Variants in STXBP4 observed in about 807,000 individuals in gnomAD.
STXBP4 encodes the protein syntaxin-binding protein 4.
In STXBP4, 55 loss-of-function variants were observed where a neutral mutation model predicts 76.1. The observed-to-expected ratio is 0.72, with a 90% confidence interval of 0.58 to 0.91. STXBP4 has a LOEUF of 0.91. Among genes scored for constraint, STXBP4 ranks in the 40% least tolerant of loss-of-function variants. The pLI, the probability that STXBP4 is intolerant of heterozygous loss-of-function variation, is 0.00. For missense variants in STXBP4, 618 were observed against 636.9 expected (o/e 0.97, Z 0.32); for synonymous variants, 201 against 220.2 (o/e 0.91, Z 0.77).
At chr17:55,037,907 A>G (rs938933856) in intron 10 of STXBP4, among the ~76,000 whole-genome samples, 3 of 152,202 alleles carry the variant, frequency 2.0e-5, no homozygotes, top group Non-Finnish European at 4.4e-5. Flanking sequence ...AAGCAAATAA[A>G]AAATAACTGA....
At chr17:55,131,818 G>A (rs1056893413) in intron 16 of STXBP4, among the ~76,000 whole-genome samples, 1 of 152,114 alleles carries the variant, frequency 6.6e-6, no homozygotes, top group African/African-American at 2.4e-5. Context: ...CTGGAGTGCT[G>A]TGGTGCCATC....
chr17:54,996,816 C>A (rs967419803), intron 4 of STXBP4, among the ~76,000 whole-genome samples: 1 of 152,144 alleles, frequency 6.6e-6, no homozygotes, highest in African/African-American at 2.4e-5. Flanking sequence ...CAGAATTAGG[C>A]TGTATAGATG....
intron 1 of STXBP4, among the ~76,000 whole-genome samples, chr17:54,983,997 G>A (rs1425229438): frequency 6.6e-6 from 1 of 152,140 alleles, no homozygotes; most frequent in Non-Finnish European, 1.5e-5. Flanking sequence ...TTTTGCTACT[G>A]ACATTGTGGC....
intron 16 of STXBP4, among the ~76,000 whole-genome samples, chr17:55,093,530 A>G (rs1329976192): frequency 2.6e-5 from 4 of 152,072 alleles, no homozygotes; most frequent in Non-Finnish European, 5.9e-5. Context: ...AATAACCACA[A>G]CAAATATTTG....
chr17:55,055,718 T>C (rs2078915811), intron 12 of STXBP4, among the ~76,000 whole-genome samples: 1 of 152,182 alleles, frequency 6.6e-6, no homozygotes, highest in African/African-American at 2.4e-5. Context: ...GTACCTCAGC[T>C]CTTTCCACAC....
At chr17:55,206,227 A>G in the STXBP4 span, among the ~76,000 whole-genome samples, 1 of 152,084 alleles carries the variant, frequency 6.6e-6, no homozygotes, top group South Asian at 2.1e-4. Context: ...TGTGTGTGCA[A>G]GGGGCTTGTT....
At chr17:55,199,627 T>C in the STXBP4 span, among the ~76,000 whole-genome samples, 4 of 152,204 alleles carry the variant, frequency 2.6e-5, no homozygotes, top group African/African-American at 9.6e-5. Context: ...CCCTGAGTGG[T>C]AATAATCAGA....
intron 16 of STXBP4, among the ~76,000 whole-genome samples, chr17:55,129,179 C>T (rs2079947523): frequency 1.3e-5 from 2 of 151,522 alleles, no homozygotes; most frequent in Admixed American, 6.6e-5. Context: ...CCGCCCGCCT[C>T]GGCCTCCCAA....
intron 8 of STXBP4, among the ~76,000 whole-genome samples, chr17:55,029,626 A>G (rs1163386643): frequency 1.3e-5 from 2 of 151,542 alleles, no homozygotes; most frequent in Non-Finnish European, 2.9e-5. Flanking sequence ...AGATGATGCT[A>G]GACTAAGCTT....
chr17:55,071,009 A>G (rs919347719), intron 12 of STXBP4, among the ~76,000 whole-genome samples: 5 of 152,024 alleles, frequency 3.3e-5, no homozygotes, highest in African/African-American at 1.2e-4. Context: ...TGTTGGCTTT[A>G]CCTTCAAACT....
chr17:55,172,107 C>T lies in STXBP4; in HGVS notation c.*12196C>T, dbSNP rs2080409668. ...AGACTTTTTTCTTGTGGAGGGAGCT[C>T]ACTCAACTGTAGGTAAGGTTTGACT... On this transcript the variant is annotated 3_prime_UTR_variant, in exon 18 of 18. Coordinates refer to ENST00000376352, the MANE Select transcript of STXBP4 (RefSeq NM_178509.6). The T allele has an allele frequency of 6.6e-6, 1 of 152,208 alleles. No homozygotes were observed. The highest frequency in any genetic ancestry group is 2.1e-4 in the South Asian group (1 of 4,830). The allele number at this position is 152,208 out of a possible 1,614,324, so 9.4% of individuals were successfully genotyped here.
chr17:55,177,117 T>C (rs780467837), downstream of STXBP4, among the ~76,000 whole-genome samples: 3 of 152,164 alleles, frequency 2.0e-5, no homozygotes, highest in Non-Finnish European at 4.4e-5. Context: ...ATTCCCATAA[T>C]AAATTCCCTC....
chr17:55,078,826 A>G (rs2079221037), intron 15 of STXBP4, 91 bp downstream of exon 15: 4 of 778,530 alleles, frequency 5.1e-6, no homozygotes, highest in Non-Finnish European at 9.1e-6. Context: ...AATCTCTTAA[A>G]TAGTCCTAAG....
chr17:55,052,885 T>TTA, intron 12 of STXBP4, among the ~76,000 whole-genome samples: 1 of 104,032 alleles, frequency 9.6e-6, no homozygotes, highest in Non-Finnish European at 1.9e-5. Flanking sequence ...AAGTTTTGTT[T>TTA]AAAAAAAAAA....
chr17:55,001,876 C>A (rs540154352), intron 7 of STXBP4, among the ~76,000 whole-genome samples: 1 of 152,266 alleles, frequency 6.6e-6, no homozygotes, highest in East Asian at 1.9e-4. Context: ...TCGTGATCTG[C>A]CTGCCTTGGC....
rs79255429 is a variant in STXBP4, at chr17:55,026,935, C to G, written c.667-4233C>G. On this transcript the variant is annotated intron_variant, in intron 8 of 17. Transcript: ENST00000376352. Reference sequence around the variant, plus strand: ...ACTGGAAAGGGTGTGGCCTGAAAGCCTAGGGTTCCCATCTCTATGTGAAAG... The same window carrying G: ...ACTGGAAAGGGTGTGGCCTGAAAGCGTAGGGTTCCCATCTCTATGTGAAAG... Among the ~76,000 whole-genome samples the G allele has an allele frequency of 1.5e-3, 224 of 152,164 alleles. 4 individuals carry two copies. The East Asian group carries it at 0.041, about 28-fold the overall frequency.
chr17:55,187,002 T>C, the STXBP4 span, among the ~76,000 whole-genome samples: 2 of 152,344 alleles, frequency 1.3e-5, no homozygotes, highest in South Asian at 4.1e-4. Context: ...AAGGTATTCA[T>C]TCAAGTGAGG....
chr17:55,126,050 C>T (rs961299868), intron 16 of STXBP4, among the ~76,000 whole-genome samples: 1 of 152,112 alleles, frequency 6.6e-6, no homozygotes, highest in African/African-American at 2.4e-5. Flanking sequence ...TTAGCTGCTG[C>T]CTAAGAAATA....
chr17:54,980,940 T>TG (rs2077542673), intron 1 of STXBP4, among the ~76,000 whole-genome samples: 1 of 144,812 alleles, frequency 6.9e-6, no homozygotes, highest in Non-Finnish European at 1.6e-5. Flanking sequence ...TTTGCGTTTT[T>TG]TTTTTGTTGT....
Sources: allele counts gnomAD v4.1 joint callset (sites outside exome capture counted in the v4.1 genomes callset), GRCh38; gene constraint gnomAD v4.1.1; transcripts MANE v1.5; gene names NCBI Gene and HGNC (gene_info 2026-07-23, HGNC 2026-07-21).